The following ATRNL1 variants were observed in gnomAD, a reference collection of about 807,000 sequenced individuals.
The protein encoded by ATRNL1 is attractin-like protein 1.
A neutral mutation model predicts 182.7 loss-of-function variants in ATRNL1; 95 were observed. The observed-to-expected ratio is 0.52, with a 90% confidence interval of 0.44 to 0.62. The LOEUF (loss-of-function observed/expected upper bound fraction) is 0.62. Ranked by LOEUF, ATRNL1 falls within the 20% of genes least tolerant of loss-of-function variation. ATRNL1 has a pLI of 0.00. For missense variants in ATRNL1, 1,471 were observed against 1,679.5 expected (o/e 0.88, Z 2.17); for synonymous variants, 576 against 568.3 (o/e 1.01, Z -0.19).
intron 9 of ATRNL1, among the ~76,000 whole-genome samples, chr10:115,234,819 G>A (rs544352832): frequency 6.6e-6 from 1 of 152,038 alleles, no homozygotes; most frequent in South Asian, 2.1e-4. Flanking sequence ...GAACTCCTGA[G>A]GTCAAGCCAT....
intron 26 of ATRNL1, among the ~76,000 whole-genome samples, chr10:115,675,812 TAAC>T (rs1555042783): frequency 6.6e-6 from 1 of 152,102 alleles, no homozygotes; most frequent in African/African-American, 2.4e-5. Context: ...TTAATTCTTA[TAAC>T]AACCTTATTA....
intron 28 of ATRNL1, among the ~76,000 whole-genome samples, chr10:115,899,159 A>G (rs1170464498): frequency 6.6e-6 from 1 of 151,916 alleles, no homozygotes; most frequent in Admixed American, 6.6e-5. Flanking sequence ...TCCTGTGTCC[A>G]GGTGTTCTCA....
intron 27 of ATRNL1, among the ~76,000 whole-genome samples, chr10:115,768,276 G>A (rs1389490277): frequency 6.6e-6 from 1 of 152,002 alleles, no homozygotes; most frequent in Non-Finnish European, 1.5e-5. Context: ...AGAGCTACAT[G>A]GTGGCTTTTT....
intron 26 of ATRNL1, among the ~76,000 whole-genome samples, chr10:115,577,610 T>TTGTGTGTGTGTGTGTG (rs3981280): frequency 1.3e-4 from 17 of 135,016 alleles, no homozygotes; most frequent in South Asian, 5.0e-4. Context: ...TTCTAACAGG[T>TTGTGTGTGTGTGTGTG]TGTGTGTGTG....
chr10:115,871,488 T>TAG (rs1367821317), intron 28 of ATRNL1, among the ~76,000 whole-genome samples: 1 of 132,684 alleles, frequency 7.5e-6, no homozygotes, highest in Non-Finnish European at 1.5e-5. Context: ...TGTATATATA[T>TAG]ATATATATAT....
At chr10:115,335,071 A>G (rs1855418379) in intron 19 of ATRNL1, among the ~76,000 whole-genome samples, 1 of 152,176 alleles carries the variant, frequency 6.6e-6, no homozygotes, top group African/African-American at 2.4e-5. Flanking sequence ...GCTAGCCATA[A>G]TCATCACATT....
intron 26 of ATRNL1, among the ~76,000 whole-genome samples, chr10:115,697,284 T>C (rs1259025458): frequency 6.6e-6 from 1 of 152,200 alleles, no homozygotes; most frequent in Non-Finnish European, 1.5e-5. Context: ...ACCAATGTAT[T>C]CTGCCATGTT....
At chr10:115,401,054 C>A (rs1328497226) in intron 20 of ATRNL1, among the ~76,000 whole-genome samples, 1 of 151,768 alleles carries the variant, frequency 6.6e-6, no homozygotes, top group Non-Finnish European at 1.5e-5. Flanking sequence ...AAAAGATAAA[C>A]ATTGATTTAT....
At chr10:115,939,055 GT>G (rs1481060786) in intron 28 of ATRNL1, among the ~76,000 whole-genome samples, 5 of 152,204 alleles carry the variant, frequency 3.3e-5, no homozygotes, top group African/African-American at 1.2e-4. Context: ...TGATGGATAT[GT>G]TAATTAGCTT....
chr10:115,110,474 T>A (rs1189532707), intron 1 of ATRNL1, among the ~76,000 whole-genome samples: 3 of 152,108 alleles, frequency 2.0e-5, no homozygotes, highest in Non-Finnish European at 2.9e-5. Context: ...ACCTCATTCA[T>A]ATAACTGGAA....
intron 21 of ATRNL1, among the ~76,000 whole-genome samples, chr10:115,430,816 G>T (rs1554963779): frequency 4.6e-5 from 7 of 152,076 alleles, no homozygotes. Flanking sequence ...AGTGGGACGT[G>T]GGTGCCGTGG....
Position 115,235,407 on chromosome 10 carries a change from G to A in ATRNL1, c.1533-6164G>A, listed in dbSNP as rs527613474. Among the ~76,000 whole-genome samples, 13 of 152,018 alleles carry A rather than the reference G, an allele frequency of 8.6e-5. No individual in the cohort carries two copies. In the South Asian group the frequency reaches 2.3e-3, roughly 27 times the overall value. ...CTATTCTCTCTATCTCCATCTTCTG[G>A]CAACCACTAATTTAATTTCTCTCTC... is the stretch of plus-strand genomic sequence containing the variant. On this transcript the variant is annotated intron_variant, in intron 9 of 28. Coordinates refer to ENST00000355044, the MANE Select transcript of ATRNL1 (RefSeq NM_207303.4).
chr10:115,801,321 C>G (rs1949787599), intron 27 of ATRNL1, among the ~76,000 whole-genome samples: 1 of 151,984 alleles, frequency 6.6e-6, no homozygotes. Context: ...CTTTATTCCA[C>G]TTAAGGTGGA....
intron 27 of ATRNL1, among the ~76,000 whole-genome samples, chr10:115,731,342 G>A (rs1032486635): frequency 6.6e-6 from 1 of 152,136 alleles, no homozygotes; most frequent in South Asian, 2.1e-4. Flanking sequence ...GGGAACAAAT[G>A]ACTCATTCTG....
At chr10:115,596,236 G>T (rs1485622650) in intron 26 of ATRNL1, among the ~76,000 whole-genome samples, 1 of 152,082 alleles carries the variant, frequency 6.6e-6, no homozygotes, top group Admixed American at 6.6e-5. Flanking sequence ...CTCCTGAGTA[G>T]CTGGGATTAC....
intron 21 of ATRNL1, among the ~76,000 whole-genome samples, chr10:115,429,911 C>CAAAA (rs1252184877): frequency 1.3e-5 from 2 of 152,004 alleles, no homozygotes; most frequent in South Asian, 4.1e-4. Flanking sequence ...ACTAAAAATA[C>CAAAA]AAAAACAAAA....
chr10:115,112,729 C>G (rs1483368538), intron 1 of ATRNL1, among the ~76,000 whole-genome samples: 1 of 152,098 alleles, frequency 6.6e-6, no homozygotes. Context: ...GAAGATGAAG[C>G]CTGCAGCAGG....
chr10:115,852,227 T>C (rs1951073500), intron 28 of ATRNL1, among the ~76,000 whole-genome samples: 1 of 152,214 alleles, frequency 6.6e-6, no homozygotes, highest in Admixed American at 6.5e-5. Flanking sequence ...TATGATTGAC[T>C]ATACCATTAC....
chr10:115,880,499 G>A (rs1225907407), intron 28 of ATRNL1, among the ~76,000 whole-genome samples: 1 of 152,132 alleles, frequency 6.6e-6, no homozygotes, highest in East Asian at 1.9e-4. Context: ...GTGCTGATGG[G>A]TACCTGTAAT....
Sources: gnomAD v4.1 joint callset for allele counts (sites outside exome capture counted in the v4.1 genomes callset) on GRCh38, gnomAD v4.1.1 for gene constraint, MANE v1.5 for transcripts, NCBI Gene and HGNC (gene_info 2026-07-23, HGNC 2026-07-21) for gene names.